Variants in MTRF1L observed in about 807,000 individuals in gnomAD.
MTRF1L encodes mitochondrial translation release factor 1 like, also known as peptide chain release factor 1-like, mitochondrial.
MTRF1L carries 29 observed loss-of-function variants against 40.0 expected under a neutral mutation model. That is an observed-to-expected ratio of 0.73 (90% CI 0.54 to 0.99). The LOEUF is 0.99. Among genes scored for constraint, MTRF1L ranks in the 50% least tolerant of loss-of-function variants. The pLI is 0.00. For missense variants in MTRF1L, 412 were observed against 464.5 expected (o/e 0.89, Z 1.04); for synonymous variants, 150 against 175.8 (o/e 0.85, Z 1.16).
Position 153,002,469 on chromosome 6 carries a change from C to T in MTRF1L, c.217G>A (p.Glu73Lys). The change falls in exon 1 of 7, where the codon GAG becomes AAG. Residue 73 changes from glutamate (E) to lysine (K), a missense_variant. Coordinates refer to ENST00000367233, the MANE Select transcript of MTRF1L (RefSeq NM_019041.7). The stretch of plus-strand genomic sequence containing the variant: ...GTCTCCCGCAGCTCCCGCTCCTTCT[C>T]GTTCAGCAGTTTGATCACCGCCAGC... Reference protein sequence around the residue: ...ELLAVIKLLNEKERELRETEH... With the variant: ...ELLAVIKLLNKKERELRETEH... 3 of 1,613,886 alleles carry T rather than the reference C, an allele frequency of 1.9e-6. No homozygotes were observed. The highest frequency in any genetic ancestry group is 2.5e-6 in the Non-Finnish European group (3 of 1,179,860).
intron 5 of MTRF1L, 43 bp from the exon 6 acceptor site, chr6:152,991,364 C>G (rs887885749): frequency 6.6e-7 from 1 of 1,513,552 alleles, no homozygotes. Flanking sequence ...ATAAAAAAAT[C>G]TTCTTTACTT....
At chr6:153,002,258 C>T (rs932367491) in intron 1 of MTRF1L, among the ~76,000 whole-genome samples, 169 bp downstream of exon 1, 10 of 152,208 alleles carry the variant, frequency 6.6e-5, no homozygotes, top group East Asian at 1.9e-4. Context: ...AGAGAGCCCA[C>T]AGGAGAGGAT....
intron 6 of MTRF1L, 23 bp downstream of exon 6, chr6:152,991,162 C>T: frequency 7.1e-7 from 1 of 1,406,094 alleles, no homozygotes; most frequent in Non-Finnish European, 9.6e-7. Context: ...CCTTTAAAAG[C>T]ATTTTTAAAA....
At chr6:152,992,754 A>G in intron 5 of MTRF1L, 103 bp downstream of exon 5, 1 of 826,186 alleles carries the variant, frequency 1.2e-6, no homozygotes. Flanking sequence ...CCTTAGAAGT[A>G]TATACTTCTC....
chr6:152,997,212 T>C (rs12205994), intron 2 of MTRF1L, among the ~76,000 whole-genome samples: 32,551 of 152,126 alleles, frequency 0.21, 3,600 homozygotes, highest in Admixed American at 0.3. Flanking sequence ...GCAGACCATC[T>C]GCATCAATTT....
chr6:153,001,779 G>C (rs996869024), intron 1 of MTRF1L, among the ~76,000 whole-genome samples: 1 of 152,198 alleles, frequency 6.6e-6, no homozygotes, highest in Non-Finnish European at 1.5e-5. Context: ...TGGCCTGTCA[G>C]CCACCAGCGT....
chr6:152,992,304 C>T (rs1052213807), intron 5 of MTRF1L, among the ~76,000 whole-genome samples: 2 of 152,198 alleles, frequency 1.3e-5, no homozygotes, highest in Admixed American at 6.5e-5. Flanking sequence ...GTTCGAGCTA[C>T]AGTATACTGG....
At chr6:152,999,034 G>C (rs1042547450) in intron 1 of MTRF1L, among the ~76,000 whole-genome samples, 1 of 152,082 alleles carries the variant, frequency 6.6e-6, no homozygotes, top group Non-Finnish European at 1.5e-5. Flanking sequence ...GGTTACACCA[G>C]TAAAACTAAA....
At chr6:152,997,850 CTTTTT>C (rs975957230) in intron 2 of MTRF1L, among the ~76,000 whole-genome samples, 1 of 151,756 alleles carries the variant, frequency 6.6e-6, no homozygotes, top group African/African-American at 2.4e-5. Flanking sequence ...TTGGCTCCTC[CTTTTT>C]TTTGTTTCCT....
intron 1 of MTRF1L, among the ~76,000 whole-genome samples, chr6:153,001,874 T>C (rs1778928699): frequency 6.6e-6 from 1 of 152,262 alleles, no homozygotes; most frequent in African/African-American, 2.4e-5. Context: ...CTTAAAAACA[T>C]TTGCTAACTT....
chr6:152,990,172 T>G, intron 6 of MTRF1L, 77 bp from the exon 7 acceptor site: 1 of 1,538,046 alleles, frequency 6.5e-7, no homozygotes, highest in Middle Eastern at 1.7e-4. Flanking sequence ...ATTTGGAGAC[T>G]TAAGTTCTTG....
intron 1 of MTRF1L, among the ~76,000 whole-genome samples, chr6:153,002,054 T>C (rs563180534): frequency 6.6e-6 from 1 of 152,384 alleles, no homozygotes; most frequent in African/African-American, 2.4e-5. Context: ...TTCTGAGTCC[T>C]AAGTCTGCTA....
intron 1 of MTRF1L, among the ~76,000 whole-genome samples, chr6:153,001,807 A>G (rs1027084337): frequency 6.6e-6 from 1 of 152,222 alleles, no homozygotes; most frequent in Non-Finnish European, 1.5e-5. Flanking sequence ...GAATACTCCA[A>G]TTTATCCTCA....
intron 5 of MTRF1L, among the ~76,000 whole-genome samples, chr6:152,991,665 G>T (rs1032927737): frequency 6.6e-6 from 1 of 152,110 alleles, no homozygotes; most frequent in Non-Finnish European, 1.5e-5. Flanking sequence ...TCCTGCCTCA[G>T]CCTCCCGAGT....
intron 1 of MTRF1L, among the ~76,000 whole-genome samples, chr6:152,999,495 ATAACC>A (rs796442609): frequency 5.7e-4 from 87 of 152,316 alleles, no homozygotes; most frequent in African/African-American, 1.9e-3. Context: ...AAAACAAAAA[ATAACC>A]TAAACCCTTA....
In MTRF1L at chr6:152,988,617, T is replaced by C. The variant is rs1166777507; in HGVS notation, c.*1278A>G. ...TTCTGTGAGGGTGTTTTATATGAGA[T>C]TGACATTTAAATCAATCAGTGAACT... On this transcript the variant is annotated 3_prime_UTR_variant, in exon 7 of 7. Transcript: ENST00000367233. 1 of 37,632 alleles carries C rather than the reference T, an allele frequency of 2.7e-5. No individual in the cohort carries two copies. The highest frequency in any genetic ancestry group is 4.3e-5 in the Non-Finnish European group (1 of 23,094). 2.3% of individuals were successfully genotyped at this position (37,632 alleles called of 1,614,324 possible).
In MTRF1L at chr6:153,002,677, G is replaced by T. The variant is rs1440797616; in HGVS notation, c.9C>A (p.Ser3=). The T allele has an allele frequency of 2.0e-6, 3 of 1,488,992 alleles. No homozygotes were observed. In the African/African-American group the frequency reaches 4.3e-5, roughly 21 times the overall value. The allele number at this position is 1,488,992 out of a possible 1,614,324, so 92.2% of individuals were successfully genotyped here. Residue 3 remains serine (S), a synonymous_variant, in exon 1 of 7, where the codon TCC becomes TCA. Coordinates refer to ENST00000367233, the MANE Select transcript of MTRF1L (RefSeq NM_019041.7). MR[S]RVLWGAARWL... ...ACCGGGCAGCGCCCCACAGAACCCGGGACCGCATCCTTAGTCCGAGATCGC... is the reference window on the plus strand; with the variant it reads ...ACCGGGCAGCGCCCCACAGAACCCGTGACCGCATCCTTAGTCCGAGATCGC...
chr6:152,990,294 C>G, intron 6 of MTRF1L, 199 bp from the exon 7 acceptor site: 1 of 792,632 alleles, frequency 1.3e-6, no homozygotes, highest in Non-Finnish European at 1.9e-6. Flanking sequence ...AGATTAATAT[C>G]TGAATCCTGC....
At chr6:152,993,412 G>A (rs1562299863) in intron 4 of MTRF1L, among the ~76,000 whole-genome samples, 1 of 152,122 alleles carries the variant, frequency 6.6e-6, no homozygotes, top group Admixed American at 6.5e-5. Context: ...ATATTTGGAG[G>A]CAAAGATGAG....
Sources: allele counts gnomAD v4.1 joint callset (sites outside exome capture counted in the v4.1 genomes callset), GRCh38; gene constraint gnomAD v4.1.1; transcripts MANE v1.5; gene names NCBI Gene and HGNC (gene_info 2026-07-23, HGNC 2026-07-21).